Variants in WDR35 observed in about 807,000 individuals in gnomAD.
WDR35 encodes the protein WD repeat domain 35.
A neutral mutation model predicts 158.3 loss-of-function variants in WDR35; 118 were observed. The observed-to-expected ratio is 0.75, with a 90% confidence interval of 0.64 to 0.87. The LOEUF (loss-of-function observed/expected upper bound fraction) is 0.87, where lower values mean the gene tolerates loss of function less well. Among genes scored for constraint, WDR35 ranks in the 40% least tolerant of loss-of-function variants. The probability of loss-of-function intolerance (pLI) is 0.00; values close to 1 mark genes in which losing one functional copy is unlikely to be tolerated. For synonymous variants in WDR35, 448 were observed against 476.1 expected (o/e 0.94, Z 0.77); for missense variants, 1,263 against 1,405.8 (o/e 0.90, Z 1.62).
intron 19 of WDR35, 134 bp from the exon 20 acceptor site, chr2:19,936,499 G>A: frequency 1.5e-6 from 2 of 1,317,126 alleles, no homozygotes; most frequent in Non-Finnish European, 2.1e-6. Context: ...AACACTTTAG[G>A]AACTTAGCCT....
At chr2:19,933,197 T>C (rs1670576581) in intron 22 of WDR35, among the ~76,000 whole-genome samples, 1 of 152,218 alleles carries the variant, frequency 6.6e-6, no homozygotes, top group Non-Finnish European at 1.5e-5. Flanking sequence ...CCCCTCATGG[T>C]AGCACTTTAA....
intron 25 of WDR35, among the ~76,000 whole-genome samples, chr2:19,921,608 C>T (rs1485631330): frequency 2.0e-5 from 3 of 152,152 alleles, no homozygotes; most frequent in Non-Finnish European, 4.4e-5. Flanking sequence ...AACGTAAGAC[C>T]TAAAACCATA....
At chr2:19,926,903 A>AC (rs58699441) in intron 25 of WDR35, among the ~76,000 whole-genome samples, 4,285 of 151,574 alleles carry the variant, frequency 0.028, 92 homozygotes, top group Non-Finnish European at 0.047. Flanking sequence ...GATCTCGAGG[A>AC]CCCCCCCCAC....
At chr2:19,975,708 C>T (rs374043715) in intron 5 of WDR35, 45 bp from the exon 6 acceptor site, 25 of 1,612,804 alleles carry the variant, frequency 1.6e-5, no homozygotes, top group Non-Finnish European at 2.1e-5. Flanking sequence ...CATGATCCTC[C>T]AACAACGGCT....
chr2:19,913,697 T>C lies in WDR35; in HGVS notation c.3374A>G (p.Lys1125Arg). ...TCCTGTGGCAACGCATGTTGGCAGT[T>C]TCCCTTCTCCACTGTAAAACGGGGA... The part of the protein sequence containing the change: ...LDSLMEGGEG[K>R]LPTCVATGSP... Residue 1125 changes from lysine (K) to arginine (R), a missense_variant, in exon 27 of 27, where the codon AAA becomes AGA. Lys to Arg is a conservative substitution (Grantham distance 26, BLOSUM62 2). Coordinates refer to ENST00000281405, the MANE Select transcript of WDR35 (RefSeq NM_020779.4). 1 of 1,614,084 alleles carries C rather than the reference T, an allele frequency of 6.2e-7. No homozygotes were observed. The highest frequency in any genetic ancestry group is 8.5e-7 in the Non-Finnish European group (1 of 1,179,962).
intron 10 of WDR35, among the ~76,000 whole-genome samples, chr2:19,962,635 C>G (rs1018362377): frequency 6.6e-6 from 1 of 151,912 alleles, no homozygotes; most frequent in African/African-American, 2.4e-5. Flanking sequence ...CAGACTTTTT[C>G]TTTTTTCAGC....
rs1348311169 is a variant in WDR35 at position 19,982,535 on chromosome 2, C to T, written c.143-1G>A. The stretch of plus-strand genomic sequence containing the variant: ...GCAAGGCCCCTCAATTTTGCATCAT[C>T]TAAAACAAAACAAAACAAACTACTA... On this transcript the variant is annotated splice_acceptor_variant, in intron 2 of 26. Transcript: ENST00000281405. LOFTEE classifies it high-confidence loss of function. 6.2e-7 allele frequency: 1 copy of T among 1,613,334 alleles called. No individual in the cohort carries two copies. The highest frequency in any genetic ancestry group is 1.3e-5 in the African/African-American group (1 of 74,890).
intron 4 of WDR35, among the ~76,000 whole-genome samples, chr2:19,979,478 T>C (rs753600859): frequency 1.3e-4 from 20 of 152,192 alleles, no homozygotes; most frequent in Non-Finnish European, 2.4e-4. Context: ...TAATGCCGAA[T>C]GACAAAAATA....
rs1313304265 is a variant in WDR35 at position 19,933,518 on chromosome 2, A to G, written c.2548-7T>C. 2 of 1,608,726 alleles carry G rather than the reference A, an allele frequency of 1.2e-6. No homozygotes were observed. The highest frequency in any genetic ancestry group is 1.7e-6 in the Non-Finnish European group (2 of 1,175,712). On this transcript the variant is annotated splice_polypyrimidine_tract_variant and splice_region_variant and intron_variant, in intron 21 of 26. Transcript: ENST00000281405. ...CAAACATTTGTGCTATTTCCTGTACAAACAAAACAATACTATCAGATTTCA... is the reference window on the plus strand; with the variant it reads ...CAAACATTTGTGCTATTTCCTGTACGAACAAAACAATACTATCAGATTTCA...
chr2:19,988,978 G>A (rs191609522), intron 2 of WDR35, among the ~76,000 whole-genome samples, 187 bp downstream of exon 2: 37 of 152,116 alleles, frequency 2.4e-4, no homozygotes, highest in African/African-American at 8.7e-4. Context: ...AAAACCATCC[G>A]ATGTTTACAT....
chr2:19,973,652 C>T lies in WDR35; in HGVS notation c.793G>A (p.Gly265Ser), dbSNP rs1392076222. The part of the protein sequence containing the change: ...YVVGIQWNHM[G>S]SVLAVAGFQK... ...AAGCCTGCCACAGCTAACACGCTGC[C>T]CATGTGGTTCCACTGGATGCCTACT... is the stretch of plus-strand genomic sequence containing the variant. Residue 265 changes from glycine (G) to serine (S), a missense_variant, in exon 8 of 27, where the codon GGC becomes AGC. Transcript: ENST00000281405. The T allele has an allele frequency of 1.9e-6, 3 of 1,614,208 alleles. No individual in the cohort carries two copies. The highest frequency in any genetic ancestry group is 2.5e-6 in the Non-Finnish European group (3 of 1,180,042).
Position 19,934,040 on chromosome 2 carries a change from A to ACCC in WDR35, c.2548-530_2548-529insGGG, listed in dbSNP as rs1558329979. ...GCGAGGAAGAACCACCACCACCACC[A>ACCC]CCACCACCACCACCACCACCACCAC... On this transcript the variant is annotated intron_variant, in intron 21 of 26. Coordinates refer to ENST00000281405, the MANE Select transcript of WDR35 (RefSeq NM_020779.4). The surrounding 1 kb of genome is among the most constrained non-coding windows in gnomAD (Gnocchi z 4.6). Among the ~76,000 whole-genome samples the ACCC allele has an allele frequency of 7.5e-6, 1 of 132,472 alleles. No homozygotes were observed. 86.9% of individuals were successfully genotyped at this position (132,472 alleles called of 152,430 possible).
chr2:19,957,727 A>C (rs1355879987), intron 11 of WDR35, among the ~76,000 whole-genome samples: 1 of 151,952 alleles, frequency 6.6e-6, no homozygotes, highest in Non-Finnish European at 1.5e-5. Context: ...TAATTTTCGT[A>C]TTTTTAGTAG....
Position 19,913,529 on chromosome 2 carries a change from TTTACAG to T in WDR35, c.*23_*28del. ...AGCCATGTATATATGCTACATATAT[TTTACAG>T]TTATATACAGTTTATCATTCCTTTA... On this transcript the variant is annotated 3_prime_UTR_variant, in exon 27 of 27. Transcript: ENST00000281405. The T allele has an allele frequency of 6.2e-7, 1 of 1,613,468 alleles. No homozygotes were observed. The highest frequency in any genetic ancestry group is 8.5e-7 in the Non-Finnish European group (1 of 1,179,422).
rs372793332 is a variant in WDR35, at chr2:19,919,250, G to A, written c.3122-4973C>T. On this transcript the variant is annotated intron_variant, in intron 25 of 26. Coordinates refer to ENST00000281405, the MANE Select transcript of WDR35 (RefSeq NM_020779.4). Reference sequence around the variant, plus strand: ...AAAAAATTTAGCCAGGCATGGTGGCGGGCGCCTGTAGTCCCAGCTACTTGG... The same window carrying A: ...AAAAAATTTAGCCAGGCATGGTGGCAGGCGCCTGTAGTCCCAGCTACTTGG... Among the ~76,000 whole-genome samples, 20 of 151,694 alleles carry A rather than the reference G, an allele frequency of 1.3e-4. No individual in the cohort carries two copies. The East Asian group carries it at 2.5e-3, about 19-fold the overall frequency.
rs1671324814 is a variant in WDR35, at chr2:19,953,749, A to G, written c.1400+85T>C. The G allele has an allele frequency of 4.5e-6, 7 of 1,569,142 alleles. No individual in the cohort carries two copies. The Admixed American group carries it at 1.2e-4, about 26-fold the overall frequency. ...TTCTACTAATCAAGACACTACAGTTATCAAGCATGACAATTTACAATTACT... is the reference window on the plus strand; with the variant it reads ...TTCTACTAATCAAGACACTACAGTTGTCAAGCATGACAATTTACAATTACT... On this transcript the variant is annotated intron_variant, in intron 12 of 26. Transcript: ENST00000281405.
chr2:19,921,116 G>C (rs1202985312), intron 25 of WDR35, among the ~76,000 whole-genome samples: 2 of 152,146 alleles, frequency 1.3e-5, no homozygotes, highest in Non-Finnish European at 2.9e-5. Flanking sequence ...CCATGCTCAT[G>C]GATAGGAAGA....
intron 1 of WDR35, among the ~76,000 whole-genome samples, chr2:19,989,664 CAA>C (rs1230618179): frequency 6.6e-6 from 1 of 152,168 alleles, no homozygotes; most frequent in Non-Finnish European, 1.5e-5. Context: ...CGTGGTGATC[CAA>C]AGAGTTTAAA....
intron 25 of WDR35, among the ~76,000 whole-genome samples, chr2:19,925,971 G>A (rs1183731001): frequency 3.3e-5 from 5 of 152,260 alleles, no homozygotes; most frequent in African/African-American, 1.2e-4. Flanking sequence ...ATAGAACAAT[G>A]GCCACTAAGT....
Sources: gnomAD v4.1 joint callset for allele counts (sites outside exome capture counted in the v4.1 genomes callset) on GRCh38, gnomAD v4.1.1 for gene constraint, Gnocchi (gnomAD v3.1) non-coding constraint, MANE v1.5 for transcripts, NCBI Gene and HGNC (gene_info 2026-07-23, HGNC 2026-07-21) for gene names.